Variants in ZC3H14 observed in about 807,000 individuals in gnomAD.
The protein encoded by ZC3H14 is zinc finger CCCH-type containing 14.
In ZC3H14, 31 loss-of-function variants were observed where a neutral mutation model predicts 92.4. The observed-to-expected ratio is 0.34, with a 90% CI of 0.25 to 0.45. ZC3H14 has a LOEUF of 0.45. ZC3H14 is among the 20% of genes least tolerant of loss of function. The probability of loss-of-function intolerance (pLI) is 1.00; values close to 1 mark genes in which losing one functional copy is unlikely to be tolerated. For synonymous variants in ZC3H14, 321 were observed against 300.9 expected (o/e 1.07, Z -0.69); for missense variants, 781 against 897.3 (o/e 0.87, Z 1.66).
chr14:88,567,252 A>G (rs1370295104), intron 2 of ZC3H14, among the ~76,000 whole-genome samples: 2 of 151,258 alleles, frequency 1.3e-5, no homozygotes, highest in Non-Finnish European at 2.9e-5. Context: ...AGTAGCTGAG[A>G]CTATAGGCGC....
At chr14:88,567,894 A>T in intron 2 of ZC3H14, 145 bp from the exon 3 acceptor site, 2 of 715,862 alleles carry the variant, frequency 2.8e-6, no homozygotes, top group Non-Finnish European at 5.0e-6. Flanking sequence ...GAAAAAAATT[A>T]AAGCTAAGCC....
intron 12 of ZC3H14, among the ~76,000 whole-genome samples, chr14:88,605,487 C>T (rs1472479394): frequency 3.9e-5 from 6 of 152,136 alleles, no homozygotes; most frequent in African/African-American, 1.4e-4. Flanking sequence ...TGCACACCAC[C>T]ATGCCTGGCT....
At position 88,615,752 on chromosome 14, in the gene ZC3H14, G is replaced by C; in HGVS notation, c.*4001G>C. The C allele has an allele frequency of 6.6e-7, 1 of 1,514,832 alleles. No individual in the cohort carries two copies. The highest frequency in any genetic ancestry group is 9.0e-7 in the Non-Finnish European group (1 of 1,108,862). The allele number at this position is 1,514,832 out of a possible 1,614,324, so 93.8% of individuals were successfully genotyped here. A position where few individuals can be genotyped will look rare whatever the true frequency, so the allele number is the denominator to read the frequency against. On this transcript the variant is annotated 3_prime_UTR_variant, in exon 17 of 17. Coordinates refer to ENST00000251038, the MANE Select transcript of ZC3H14 (RefSeq NM_024824.5). Reference sequence around the variant, plus strand: ...AGCACCACTTGACCATGCAGGGTTGGGTTTTGGTTTTTCTTCTCTGTAATT... The same window carrying C: ...AGCACCACTTGACCATGCAGGGTTGCGTTTTGGTTTTTCTTCTCTGTAATT...
Position 88,614,534 on chromosome 14 carries a change from T to C in ZC3H14, c.*2783T>C, listed in dbSNP as rs1164331982. The C allele has an allele frequency of 2.0e-5, 3 of 152,226 alleles. No individual in the cohort carries two copies. Among genetic ancestry groups the C allele is most frequent in the African/African-American group, 7.2e-5 (3 of 41,460 alleles). The allele number at this position is 152,226 out of a possible 1,614,324, so 9.4% of individuals were successfully genotyped here. A position where few individuals can be genotyped will look rare whatever the true frequency, so the allele number is the denominator to read the frequency against. Reference sequence around the variant, plus strand: ...ATGGGATTCCAGGAACCTAAAGCGATCTATTATGCTATAAAGATAATTAAC... The same window carrying C: ...ATGGGATTCCAGGAACCTAAAGCGACCTATTATGCTATAAAGATAATTAAC... On this transcript the variant is annotated 3_prime_UTR_variant, in exon 17 of 17. Coordinates refer to ENST00000251038, the MANE Select transcript of ZC3H14 (RefSeq NM_024824.5).
intron 16 of ZC3H14, among the ~76,000 whole-genome samples, chr14:88,611,358 G>A (rs2086708231): frequency 6.6e-6 from 1 of 152,070 alleles, no homozygotes; most frequent in Admixed American, 6.5e-5. Flanking sequence ...GCCTTCCAAA[G>A]TACCAGGATT....
chr14:88,625,012 G>C lies in ZC3H14; in HGVS notation c.*13261G>C. 6.2e-7 allele frequency: 1 copy of C among 1,613,718 alleles called. No homozygotes were observed. Among genetic ancestry groups the C allele is most frequent in the Non-Finnish European group, 8.5e-7 (1 of 1,179,710 alleles). ...AGTCACGATAAGTCCATCTCGCAGGGTGGTGTACATGGCAAACACAGGCCC... is the reference window on the plus strand; with the variant it reads ...AGTCACGATAAGTCCATCTCGCAGGCTGGTGTACATGGCAAACACAGGCCC... On this transcript the variant is annotated 3_prime_UTR_variant, in exon 17 of 17. Transcript: ENST00000251038.
intron 9 of ZC3H14, among the ~76,000 whole-genome samples, chr14:88,588,671 G>C (rs1260035833): frequency 6.6e-6 from 1 of 151,974 alleles, no homozygotes; most frequent in Non-Finnish European, 1.5e-5. Context: ...TCTTCCGTGT[G>C]GGAAATACTC....
chr14:88,619,976 T>C lies in ZC3H14; in HGVS notation c.*8225T>C, dbSNP rs1403349921. ...CACCGCGCCCGGCCTGAAGAACTTA[T>C]TTAAAAGACAAAGTGAAATGCTATT... On this transcript the variant is annotated 3_prime_UTR_variant, in exon 17 of 17. Transcript: ENST00000251038. The C allele has an allele frequency of 1.3e-5, 2 of 152,266 alleles. No homozygotes were observed. Among genetic ancestry groups the C allele is most frequent in the Non-Finnish European group, 2.9e-5 (2 of 68,104 alleles). 9.4% of individuals were successfully genotyped at this position (152,266 alleles called of 1,614,324 possible).
In ZC3H14 at chr14:88,615,688, G is replaced by T; in HGVS notation, c.*3937G>T. The T allele has an allele frequency of 1.3e-6, 1 of 790,492 alleles. No homozygotes were observed. The highest frequency in any genetic ancestry group is 2.0e-6 in the Non-Finnish European group (1 of 493,540). The allele number at this position is 790,492 out of a possible 1,614,324, so 49.0% of individuals were successfully genotyped here. ...GAACAGATCAGTCTTTCACTATTTT[G>T]ATGATTCTGGGCATTTCTCCCTGTT... On this transcript the variant is annotated 3_prime_UTR_variant, in exon 17 of 17. Coordinates refer to ENST00000251038, the MANE Select transcript of ZC3H14 (RefSeq NM_024824.5).
chr14:88,610,314 A>G (rs547933452), intron 15 of ZC3H14, among the ~76,000 whole-genome samples: 1 of 152,210 alleles, frequency 6.6e-6, no homozygotes, highest in South Asian at 2.1e-4. Context: ...CTCAGTGAAG[A>G]GTGTAAGGGA....
intron 5 of ZC3H14, 92 bp from the exon 6 acceptor site, chr14:88,572,486 T>A (rs2080562227): frequency 8.6e-6 from 13 of 1,512,918 alleles, no homozygotes; most frequent in Non-Finnish European, 1.2e-5. Flanking sequence ...CCTCAGTTTT[T>A]TCATTGAAAT....
intron 9 of ZC3H14, among the ~76,000 whole-genome samples, chr14:88,585,057 A>G (rs1288315649): frequency 6.6e-6 from 1 of 152,206 alleles, no homozygotes; most frequent in East Asian, 1.9e-4. Flanking sequence ...TGGGTTTTCA[A>G]CTGTTGTTGG....
intron 14 of ZC3H14, 41 bp downstream of exon 14, chr14:88,609,444 T>C (rs748088768): frequency 3.9e-5 from 63 of 1,613,092 alleles, no homozygotes; most frequent in Non-Finnish European, 4.8e-5. Flanking sequence ...GTAAAAAATA[T>C]AAAATGGCAT....
chr14:88,610,788 A>G (rs1341115714), intron 15 of ZC3H14, 46 bp from the exon 16 acceptor site: 3 of 1,553,876 alleles, frequency 1.9e-6, no homozygotes, highest in Admixed American at 1.7e-5. Flanking sequence ...GTGTTTACTT[A>G]TATTAGCCTT....
chr14:88,563,593 C>G, intron 1 of ZC3H14, 58 bp from the exon 2 acceptor site: 12 of 1,602,430 alleles, frequency 7.5e-6, no homozygotes, highest in Non-Finnish European at 1.0e-5. Flanking sequence ...CTGCAGAGTC[C>G]GGTCTTGTTT....
At chr14:88,566,156 A>G (rs1403209292) in intron 2 of ZC3H14, among the ~76,000 whole-genome samples, 4 of 151,246 alleles carry the variant, frequency 2.6e-5, no homozygotes, top group Non-Finnish European at 5.9e-5. Context: ...CTGGGATTAC[A>G]GGTGTGAGCC....
intron 9 of ZC3H14, among the ~76,000 whole-genome samples, chr14:88,583,223 C>T (rs546270155): frequency 6.6e-6 from 1 of 151,752 alleles, no homozygotes; most frequent in South Asian, 2.1e-4. Context: ...CCTCAAATGC[C>T]TGGGCTCAAA....
At position 88,620,838 on chromosome 14, in the gene ZC3H14, T is replaced by G; in HGVS notation, c.*9087T>G. 6.2e-7 allele frequency: 1 copy of G among 1,600,556 alleles called. No individual in the cohort carries two copies. ...CACTAGTAAAATGATAAATTCTCCA[T>G]TTTTCATTCCAATAGCCACCATGTC... On this transcript the variant is annotated 3_prime_UTR_variant, in exon 17 of 17. Coordinates refer to ENST00000251038, the MANE Select transcript of ZC3H14 (RefSeq NM_024824.5). The surrounding 1 kb of genome is among the most constrained non-coding windows in gnomAD (Gnocchi z 4.3).
At chr14:88,575,793 A>T (rs1156918268) in intron 7 of ZC3H14, 47 bp from the exon 8 acceptor site, 1 of 1,497,026 alleles carries the variant, frequency 6.7e-7, no homozygotes, top group Non-Finnish European at 9.3e-7. Flanking sequence ...GCCTGTGAGG[A>T]ACTGAAATTT....
Sources: allele counts gnomAD v4.1 joint callset (sites outside exome capture counted in the v4.1 genomes callset), GRCh38; gene constraint gnomAD v4.1.1; non-coding constraint Gnocchi (gnomAD v3.1); transcripts MANE v1.5; gene names NCBI Gene and HGNC (gene_info 2026-07-23, HGNC 2026-07-21).